The following DLGAP2 variants were observed in gnomAD, a reference collection of about 807,000 sequenced individuals.
The protein encoded by DLGAP2 is disks large-associated protein 2.
A neutral mutation model predicts 100.3 loss-of-function variants in DLGAP2; 26 were observed. The observed-to-expected ratio is 0.26, with a 90% CI of 0.19 to 0.36. DLGAP2 has a LOEUF of 0.36. Among genes scored for constraint, DLGAP2 ranks in the 10% least tolerant of loss-of-function variants. The probability of loss-of-function intolerance (pLI) is 1.00; values close to 1 mark genes in which losing one functional copy is unlikely to be tolerated. For missense variants in DLGAP2, 1,858 were observed against 1,453.2 expected, an observed-to-expected ratio of 1.28 and a Z score of -4.53; for synonymous variants, 886 against 630.1, an observed-to-expected ratio of 1.41 and a Z score of -6.08.
rs555404933 is a variant in DLGAP2, at chr8:754,277, G to A, written c.18+16452G>A. 7 of 152,264 alleles carry A rather than the reference G, an allele frequency of 4.6e-5. No individual in the cohort carries two copies. The South Asian group carries it at 1.5e-3, about 32-fold the overall frequency. The allele number at this position is 152,264 out of a possible 1,614,324, so 9.4% of individuals were successfully genotyped here. A position where few individuals can be genotyped will look rare whatever the true frequency, so the allele number is the denominator to read the frequency against. On this transcript the variant is annotated intron_variant, in intron 1 of 14. Transcript: ENST00000637795. ...TCGCCAACTCTGCCGAGTACTTCCC[G>A]ATCTCACTGACACACGGTTCTGTTC...
At chr8:927,516 C>T (rs1372048173) in intron 2 of DLGAP2, among the ~76,000 whole-genome samples, 7 of 152,128 alleles carry the variant, frequency 4.6e-5, no homozygotes, top group South Asian at 4.1e-4. Context: ...CAAAGTCCTC[C>T]GCGTGTGTCC....
chr8:1,607,757 C>G (rs574525678), intron 6 of DLGAP2, among the ~76,000 whole-genome samples: 1 of 152,336 alleles, frequency 6.6e-6, no homozygotes, highest in African/African-American at 2.4e-5. Context: ...AGTTCCCTTT[C>G]TGAGTCAAAG....
At chr8:1,118,549 G>A (rs1307971978) in intron 2 of DLGAP2, among the ~76,000 whole-genome samples, 1 of 151,582 alleles carries the variant, frequency 6.6e-6, no homozygotes, top group Non-Finnish European at 1.5e-5. Context: ...AAATGAATGG[G>A]GCTGCTGCTG....
At chr8:1,083,845 T>C (rs1208105747) in intron 2 of DLGAP2, among the ~76,000 whole-genome samples, 1 of 152,206 alleles carries the variant, frequency 6.6e-6, no homozygotes, top group East Asian at 1.9e-4. Flanking sequence ...ACAATGAATT[T>C]TTTCTTAATA....
chr8:809,470 T>TG lies in DLGAP2; in HGVS notation c.18+71645_18+71646insG, dbSNP rs796313775. Among the ~76,000 whole-genome samples, 687 of 151,808 alleles carry TG rather than the reference T, an allele frequency of 4.5e-3. 5 individuals are homozygous for TG. The highest frequency in any genetic ancestry group is 0.016 in the African/African-American group (643 of 41,382). On this transcript the variant is annotated intron_variant, in intron 1 of 14. Transcript: ENST00000637795. ...CTGTCTCTGGCAGGTTTTTTTTTTT[T>TG]TGTGGCTAATTTCATGCAGCCTGAT... is the stretch of plus-strand genomic sequence containing the variant.
chr8:1,646,698 G>C (rs1195280717), intron 8 of DLGAP2, among the ~76,000 whole-genome samples: 2 of 152,180 alleles, frequency 1.3e-5, no homozygotes, highest in African/African-American at 4.8e-5. Flanking sequence ...GTGTCAATGT[G>C]CTGTTTGAAA....
chr8:1,507,519 C>T (rs941039355), intron 4 of DLGAP2, among the ~76,000 whole-genome samples: 1 of 152,120 alleles, frequency 6.6e-6, no homozygotes, highest in South Asian at 2.1e-4. Flanking sequence ...TCCACGCCTC[C>T]CCGCAAGCAG....
At chr8:1,651,401 G>A (rs574348350) in intron 8 of DLGAP2, among the ~76,000 whole-genome samples, 11 of 152,302 alleles carry the variant, frequency 7.2e-5, no homozygotes, top group Middle Eastern at 3.4e-3. Flanking sequence ...GCTCTCTGCT[G>A]TGGCACCAGC....
At chr8:791,082 T>C (rs753424561) in intron 1 of DLGAP2, among the ~76,000 whole-genome samples, 1 of 152,220 alleles carries the variant, frequency 6.6e-6, no homozygotes, top group East Asian at 1.9e-4. Flanking sequence ...ATTGTGAAAA[T>C]TGGATTTGTA....
At chr8:1,380,265 G>T (rs548845997) in intron 3 of DLGAP2, 1 of 152,330 alleles carries the variant, frequency 6.6e-6, no homozygotes, top group South Asian at 2.1e-4. Flanking sequence ...GCGAGTGTTT[G>T]CTGTGCGTGT....
chr8:925,484 G>A (rs936045080), intron 2 of DLGAP2, among the ~76,000 whole-genome samples: 1 of 152,138 alleles, frequency 6.6e-6, no homozygotes, highest in African/African-American at 2.4e-5. Context: ...ATTTGTGGTG[G>A]TCCAGGAATC....
At chr8:862,597 T>C (rs1797414600) in intron 1 of DLGAP2, among the ~76,000 whole-genome samples, 1 of 152,200 alleles carries the variant, frequency 6.6e-6, no homozygotes, top group Non-Finnish European at 1.5e-5. Flanking sequence ...CTGGCCAGAC[T>C]CCAGTTTTAT....
intron 1 of DLGAP2, among the ~76,000 whole-genome samples, chr8:845,782 A>G (rs1287960588): frequency 6.6e-6 from 1 of 152,202 alleles, no homozygotes; most frequent in African/African-American, 2.4e-5. Flanking sequence ...AGAGTTTTAT[A>G]TACCTTTTGC....
At chr8:1,113,708 C>T (rs563709549) in intron 2 of DLGAP2, among the ~76,000 whole-genome samples, 2 of 152,138 alleles carry the variant, frequency 1.3e-5, no homozygotes, top group East Asian at 1.9e-4. Context: ...TGCCTGATTG[C>T]CCTGGCCAGA....
chr8:1,204,152 A>G (rs1436319410), intron 2 of DLGAP2, among the ~76,000 whole-genome samples: 1 of 152,206 alleles, frequency 6.6e-6, no homozygotes, highest in African/African-American at 2.4e-5. Flanking sequence ...CGGTCCACAG[A>G]CCAGAGTTTG....
intron 2 of DLGAP2, among the ~76,000 whole-genome samples, chr8:951,860 T>G (rs1217365239): frequency 3.3e-5 from 5 of 152,220 alleles, no homozygotes. Flanking sequence ...TTCCCACAAC[T>G]GTTAAGAAAC....
chr8:1,480,699 A>T lies in DLGAP2; in HGVS notation c.107-20667A>T, dbSNP rs184180250. On this transcript the variant is annotated intron_variant, in intron 3 of 14. Transcript: ENST00000637795. ...ACCCCATCTCTACTAATAATAATAA[A>T]AAAAAAAACCTACAAAACTAGCCAG... Among the ~76,000 whole-genome samples, 537 of 151,224 alleles carry T rather than the reference A, an allele frequency of 3.6e-3. 2 individuals are homozygous for T. The highest frequency in any genetic ancestry group is 0.012 in the African/African-American group (495 of 41,192).
chr8:1,559,576 A>G (rs1028431171), intron 5 of DLGAP2, among the ~76,000 whole-genome samples: 1 of 152,222 alleles, frequency 6.6e-6, no homozygotes, highest in East Asian at 1.9e-4. Context: ...AGAAACATAC[A>G]AGCTGGTCTC....
intron 2 of DLGAP2, among the ~76,000 whole-genome samples, chr8:1,213,185 C>T (rs1798142000): frequency 6.6e-6 from 1 of 152,126 alleles, no homozygotes; most frequent in African/African-American, 2.4e-5. Flanking sequence ...ATGTTATTAG[C>T]TGTTTTGCGG....
Sources: allele counts gnomAD v4.1 joint callset (sites outside exome capture counted in the v4.1 genomes callset), GRCh38; gene constraint gnomAD v4.1.1; transcripts MANE v1.5; gene names NCBI Gene and HGNC (gene_info 2026-07-23, HGNC 2026-07-21).